MGAT4C: variants seen among roughly 807,000 people sequenced by gnomAD.
The protein encoded by MGAT4C is MGAT4 family member C.
In MGAT4C, 19 loss-of-function variants were observed where a neutral mutation model predicts 40.1. The observed-to-expected ratio is 0.47, with a 90% CI of 0.33 to 0.70. The LOEUF is 0.70. MGAT4C is among the 30% of genes least tolerant of loss of function. MGAT4C has a pLI of 0.02. For missense variants in MGAT4C, 491 were observed against 563.2 expected (o/e 0.87, Z 1.30); for synonymous variants, 181 against 187.1 (o/e 0.97, Z 0.27).
intron 1 of MGAT4C, among the ~76,000 whole-genome samples, chr12:86,168,993 T>C: frequency 6.6e-6 from 1 of 152,146 alleles, no homozygotes; most frequent in East Asian, 1.9e-4. Flanking sequence ...ATGAGTTTCA[T>C]GTTGGAGATA....
intron 2 of MGAT4C, among the ~76,000 whole-genome samples, chr12:86,441,973 G>A (rs12581701): frequency 0.064 from 9,780 of 152,140 alleles, 759 homozygotes; most frequent in East Asian, 0.23. Context: ...GTGTAAAAGT[G>A]TTCCTATTTC....
At chr12:86,364,593 C>T (rs1955552154) in intron 3 of MGAT4C, among the ~76,000 whole-genome samples, 1 of 152,056 alleles carries the variant, frequency 6.6e-6, no homozygotes. Context: ...AGATATTGGG[C>T]AAAATTCACC....
intron 2 of MGAT4C, among the ~76,000 whole-genome samples, chr12:86,556,585 C>T (rs763888867): frequency 1.3e-5 from 2 of 152,008 alleles, no homozygotes; most frequent in Non-Finnish European, 2.9e-5. Flanking sequence ...TTATCTATAC[C>T]CAAAATGAGG....
chr12:86,204,506 G>A (rs545150925), intron 1 of MGAT4C, among the ~76,000 whole-genome samples: 4 of 152,084 alleles, frequency 2.6e-5, no homozygotes, highest in Non-Finnish European at 4.4e-5. Flanking sequence ...ATAAAATTAA[G>A]CAAATATATT....
At chr12:86,443,461 A>G (rs1957272256) in intron 2 of MGAT4C, among the ~76,000 whole-genome samples, 1 of 152,176 alleles carries the variant, frequency 6.6e-6, no homozygotes, top group African/African-American at 2.4e-5. Flanking sequence ...ATGAACACTC[A>G]CTACTGCAAA....
At chr12:86,636,066 C>A (rs1420041104) in intron 2 of MGAT4C, among the ~76,000 whole-genome samples, 1 of 151,986 alleles carries the variant, frequency 6.6e-6, no homozygotes, top group Non-Finnish European at 1.5e-5. Flanking sequence ...CAGTAACGTG[C>A]TGCACAGGTT....
intron 3 of MGAT4C, among the ~76,000 whole-genome samples, chr12:86,350,676 C>T (rs1379580119): frequency 6.6e-6 from 1 of 152,110 alleles, no homozygotes; most frequent in African/African-American, 2.4e-5. Flanking sequence ...TATACACAAG[C>T]AACACATTGT....
chr12:86,787,545 T>G (rs1030518783), intron 1 of MGAT4C, among the ~76,000 whole-genome samples: 3 of 151,062 alleles, frequency 2.0e-5, no homozygotes, highest in Admixed American at 6.6e-5. Context: ...AGTCATCAGG[T>G]ACATGCAAAT....
chr12:86,179,616 G>A (rs1364832906), intron 1 of MGAT4C, among the ~76,000 whole-genome samples: 1 of 152,178 alleles, frequency 6.6e-6, no homozygotes, highest in Non-Finnish European at 1.5e-5. Context: ...GAGCAGAGGT[G>A]ACTCTTGTTA....
chr12:86,062,515 A>G (rs1049354435), intron 1 of MGAT4C, among the ~76,000 whole-genome samples: 29 of 152,174 alleles, frequency 1.9e-4, no homozygotes, highest in African/African-American at 6.3e-4. Context: ...ACAAAACTGG[A>G]CAGAGAAGGA....
intron 3 of MGAT4C, among the ~76,000 whole-genome samples, chr12:86,400,620 C>T (rs926989310): frequency 6.6e-6 from 1 of 152,152 alleles, no homozygotes; most frequent in Non-Finnish European, 1.5e-5. Context: ...TTCATATAAA[C>T]TTGAATGTAA....
intron 1 of MGAT4C, among the ~76,000 whole-genome samples, chr12:86,769,699 G>A (rs1166447116): frequency 2.0e-5 from 3 of 152,044 alleles, no homozygotes; most frequent in African/African-American, 7.2e-5. Flanking sequence ...AAAATGATGA[G>A]TTCATGTCCT....
At chr12:86,569,700 G>C (rs1960284679) in intron 2 of MGAT4C, among the ~76,000 whole-genome samples, 1 of 151,946 alleles carries the variant, frequency 6.6e-6, no homozygotes, top group Admixed American at 6.6e-5. Context: ...TTTATCCAAA[G>C]AAAAGAAAAC....
intron 4 of MGAT4C, among the ~76,000 whole-genome samples, chr12:86,263,474 C>T (rs528649343): frequency 3.9e-5 from 6 of 152,226 alleles, no homozygotes; most frequent in Non-Finnish European, 8.8e-5. Context: ...TAATGTCCTC[C>T]AATTTTGTCC....
At chr12:86,039,028 A>T (rs1457698736) in intron 2 of MGAT4C, among the ~76,000 whole-genome samples, 1 of 149,872 alleles carries the variant, frequency 6.7e-6, no homozygotes, top group Non-Finnish European at 1.5e-5. Flanking sequence ...TGTGTTGAAC[A>T]TTCTTTTCTT....
In MGAT4C at chr12:86,691,607, C is replaced by T. The variant is rs116804568; in HGVS notation, c.-229+35602G>A. ...CAATTCTAAATTGAATTAAGATAGA[C>T]ATTCTATATACTAGCCATCACCAGA... On this transcript the variant is annotated intron_variant, in intron 2 of 7. Coordinates refer to the MGAT4C transcript ENST00000548651. Among the ~76,000 whole-genome samples, 614 of 130,458 alleles carry T rather than the reference C, an allele frequency of 4.7e-3. 3 individuals are homozygous for T. Among genetic ancestry groups the T allele is most frequent in the African/African-American group, 0.016 (599 of 36,732 alleles). 85.6% of individuals were successfully genotyped at this position (130,458 alleles called of 152,430 possible).
At chr12:86,031,722 T>C (rs1890770924) in intron 2 of MGAT4C, among the ~76,000 whole-genome samples, 1 of 151,890 alleles carries the variant, frequency 6.6e-6, no homozygotes, top group South Asian at 2.1e-4. Flanking sequence ...ATCTTTGCAA[T>C]TGTGTTTTTA....
At chr12:86,089,562 C>A (rs775149807) in intron 1 of MGAT4C, among the ~76,000 whole-genome samples, 6 of 151,718 alleles carry the variant, frequency 4.0e-5, no homozygotes, top group Non-Finnish European at 8.9e-5. Context: ...TTAGCAATTT[C>A]TCTGTTTATT....
intron 2 of MGAT4C, among the ~76,000 whole-genome samples, chr12:86,010,191 G>C (rs1296104988): frequency 6.6e-6 from 1 of 152,136 alleles, no homozygotes; most frequent in Admixed American, 6.6e-5. Flanking sequence ...TAGATAATAG[G>C]TGTAAGTCAC....
Sources: gnomAD v4.1 joint callset for allele counts (sites outside exome capture counted in the v4.1 genomes callset) on GRCh38, gnomAD v4.1.1 for gene constraint, MANE v1.5 for transcripts, NCBI Gene and HGNC (gene_info 2026-07-23, HGNC 2026-07-21) for gene names.